The following FNBP1L variants were observed in gnomAD, a reference collection of about 807,000 sequenced individuals.
FNBP1L encodes formin binding protein 1 like.
A neutral mutation model predicts 91.2 loss-of-function variants in FNBP1L; 36 were observed. The observed-to-expected ratio is 0.39, with a 90% confidence interval of 0.30 to 0.52. The LOEUF (loss-of-function observed/expected upper bound fraction) is 0.52. Ranked by LOEUF, FNBP1L falls within the 20% of genes least tolerant of loss-of-function variation. FNBP1L has a pLI of 0.66. For synonymous variants in FNBP1L, 242 were observed against 237.0 expected, an observed-to-expected ratio of 1.02 and a Z score of -0.19; for missense variants, 571 against 732.1, an observed-to-expected ratio of 0.78 and a Z score of 2.54.
At chr1:93,498,862 A>G (rs1670353081) in intron 1 of FNBP1L, among the ~76,000 whole-genome samples, 1 of 152,186 alleles carries the variant, frequency 6.6e-6, no homozygotes, top group African/African-American at 2.4e-5. Context: ...CCATTTTAAG[A>G]TGGGAAAACA....
intron 2 of FNBP1L, among the ~76,000 whole-genome samples, chr1:93,513,484 C>T (rs2101740252): frequency 6.6e-6 from 1 of 152,024 alleles, no homozygotes; most frequent in Non-Finnish European, 1.5e-5. Flanking sequence ...AATTTTAGAC[C>T]AATATCCTTG....
At chr1:93,521,461 T>C (rs1319275044) in intron 2 of FNBP1L, among the ~76,000 whole-genome samples, 1 of 152,210 alleles carries the variant, frequency 6.6e-6, no homozygotes, top group Non-Finnish European at 1.5e-5. Flanking sequence ...TTTCACATAC[T>C]GAGTGTAATT....
rs186975083 is a variant in FNBP1L at position 93,505,726 on chromosome 1, A to G, written c.140+6143A>G. Among the ~76,000 whole-genome samples, 3 of 152,326 alleles carry G rather than the reference A, an allele frequency of 2.0e-5. No individual in the cohort carries two copies. In the East Asian group the frequency reaches 5.8e-4, roughly 29 times the overall value. On this transcript the variant is annotated intron_variant, in intron 2 of 16. Coordinates refer to ENST00000271234, the MANE Select transcript of FNBP1L (RefSeq NM_001164473.3). The stretch of plus-strand genomic sequence containing the variant: ...TAAGAGAAGCTACTATTTATTCCTA[A>G]TTAGATGGGGAGGAAAGTCTTTGAA...
chr1:93,503,273 G>C (rs1166573233), intron 2 of FNBP1L, among the ~76,000 whole-genome samples: 1 of 152,094 alleles, frequency 6.6e-6, no homozygotes, highest in Non-Finnish European at 1.5e-5. Flanking sequence ...AAAACCATCA[G>C]ATCTCGTGAG....
At chr1:93,490,256 C>T (rs72961379) in intron 1 of FNBP1L, among the ~76,000 whole-genome samples, 3,568 of 152,188 alleles carry the variant, frequency 0.023, 119 homozygotes, top group African/African-American at 0.078. Context: ...CATTACTATA[C>T]GGTAGAACCT....
At chr1:93,551,132 C>T (rs767575006) in intron 16 of FNBP1L, 27 bp downstream of exon 16, 4 of 1,574,110 alleles carry the variant, frequency 2.5e-6, no homozygotes, top group Non-Finnish European at 3.5e-6. Context: ...CTAAACTAAC[C>T]AGGCACCTTT....
rs1668334016 is a variant in FNBP1L, at chr1:93,448,215, T to G, written c.-67T>G. On this transcript the variant is annotated 5_prime_UTR_variant, in exon 1 of 17. Transcript: ENST00000271234. ...AGCCCGCCGGCCAGCGAGTGAGAGG[T>G]CGGACAGACTGTGGAGCCGACAGAC... 6.6e-7 allele frequency: 1 copy of G among 1,514,170 alleles called. No individual in the cohort carries two copies. Among genetic ancestry groups the G allele is most frequent in the Non-Finnish European group, 8.8e-7 (1 of 1,130,678 alleles). The allele number at this position is 1,514,170 out of a possible 1,614,324, so 93.8% of individuals were successfully genotyped here.
chr1:93,552,205 G>A, intron 16 of FNBP1L: 2 of 1,359,104 alleles, frequency 1.5e-6, no homozygotes, highest in Non-Finnish European at 1.9e-6. Context: ...CACACCCTGA[G>A]TCAGTGGTGT....
At chr1:93,491,504 C>T (rs1670088782) in intron 1 of FNBP1L, among the ~76,000 whole-genome samples, 3 of 152,226 alleles carry the variant, frequency 2.0e-5, no homozygotes, top group South Asian at 4.2e-4. Flanking sequence ...GTCCTCCCAT[C>T]TCAGCCTCCC....
chr1:93,458,677 A>G (rs1668755712), intron 1 of FNBP1L, among the ~76,000 whole-genome samples: 1 of 144,230 alleles, frequency 6.9e-6, no homozygotes, highest in African/African-American at 3.0e-5. Context: ...CAACAGAGTG[A>G]AAAGACAGCC....
At chr1:93,516,162 G>A (rs1486221183) in intron 2 of FNBP1L, among the ~76,000 whole-genome samples, 1 of 151,904 alleles carries the variant, frequency 6.6e-6, no homozygotes, top group Non-Finnish European at 1.5e-5. Flanking sequence ...ACAGAGCATT[G>A]TGGGATTAAA....
chr1:93,542,776 CTTTTT>C (rs34922906), intron 11 of FNBP1L, among the ~76,000 whole-genome samples: 1 of 125,588 alleles, frequency 8.0e-6, no homozygotes, highest in African/African-American at 3.1e-5. Flanking sequence ...TTTTCTTTAC[CTTTTT>C]TTTTTTTTTT....
chr1:93,467,540 A>G (rs937272641), intron 1 of FNBP1L, among the ~76,000 whole-genome samples: 20 of 152,116 alleles, frequency 1.3e-4, no homozygotes, highest in African/African-American at 3.9e-4. Flanking sequence ...GCAAGATAAA[A>G]AGAATTCTGG....
intron 1 of FNBP1L, among the ~76,000 whole-genome samples, chr1:93,493,945 A>G (rs934148721): frequency 6.6e-6 from 1 of 152,158 alleles, no homozygotes; most frequent in Non-Finnish European, 1.5e-5. Flanking sequence ...TTGAACAACC[A>G]GTTTTTCAAC....
chr1:93,488,987 G>A (rs1238555416), intron 1 of FNBP1L, among the ~76,000 whole-genome samples: 3 of 152,102 alleles, frequency 2.0e-5, no homozygotes, highest in Non-Finnish European at 2.9e-5. Context: ...AAAGAATAAG[G>A]TATGAGATAG....
intron 10 of FNBP1L, 106 bp from the exon 11 acceptor site, chr1:93,540,936 T>A: frequency 2.1e-6 from 2 of 970,650 alleles, no homozygotes; most frequent in Non-Finnish European, 3.0e-6. Context: ...GAAATGTACG[T>A]GATTTATTTT....
chr1:93,491,114 A>T (rs1456640987), intron 1 of FNBP1L, among the ~76,000 whole-genome samples: 1 of 151,730 alleles, frequency 6.6e-6, no homozygotes, highest in African/African-American at 2.4e-5. Flanking sequence ...TACTTTTTTT[A>T]AAAAATTATT....
chr1:93,508,075 C>T (rs1174713527), intron 2 of FNBP1L, among the ~76,000 whole-genome samples: 9 of 151,654 alleles, frequency 5.9e-5, no homozygotes, highest in East Asian at 1.9e-4. Context: ...TTAGCCGGGG[C>T]GGTGGCTAAC....
chr1:93,483,276 A>G lies in FNBP1L; in HGVS notation c.25-16192A>G, dbSNP rs553061958. On this transcript the variant is annotated intron_variant, in intron 1 of 16. Transcript: ENST00000271234. ...GCAAGTTTTCGATGTTGAATAAAGA[A>G]TTATATAGAGTCAATATGAAAAGGA... is the stretch of plus-strand genomic sequence containing the variant. 2.2e-4 allele frequency among the ~76,000 whole-genome samples: 33 copies of G among 152,104 alleles called. 1 individual carries two copies. The South Asian group carries it at 6.8e-3, about 32-fold the overall frequency.
Sources: allele counts gnomAD v4.1 joint callset (sites outside exome capture counted in the v4.1 genomes callset), GRCh38; gene constraint gnomAD v4.1.1; transcripts MANE v1.5; gene names NCBI Gene and HGNC (gene_info 2026-07-23, HGNC 2026-07-21).